PDE6A: variants seen among roughly 807,000 people sequenced by gnomAD.
PDE6A encodes the protein phosphodiesterase 6A.
Under a neutral mutation model 106.3 loss-of-function variants are expected in PDE6A, and 84 were observed. That is an observed-to-expected ratio of 0.79 (90% CI 0.66 to 0.95). PDE6A has a LOEUF of 0.95. PDE6A is among the 40% of genes least tolerant of loss of function. The pLI, the probability that PDE6A is intolerant of heterozygous loss-of-function variation, is 0.00. For missense variants in PDE6A, 1,052 were observed against 1,084.9 expected (o/e 0.97, Z 0.43); for synonymous variants, 394 against 386.6 (o/e 1.02, Z -0.23).
chr5:149,863,295 C>T lies in PDE6A; in HGVS notation c.2359-29G>A. On this transcript the variant is annotated intron_variant, in intron 20 of 21. Transcript: ENST00000255266. This position sits in a 1 kb window ranked among gnomAD's most constrained non-coding sequence, Gnocchi z 4.7. ...GAAGAGAGAGTATGTGCCTCTGGTG[C>T]AAGGGCCAGGCCACAGGGTCTGGGC... The T allele has an allele frequency of 6.2e-7, 1 of 1,613,408 alleles. No homozygotes were observed. Among genetic ancestry groups the T allele is most frequent in the Non-Finnish European group, 8.5e-7 (1 of 1,179,480 alleles).
At chr5:149,906,994 G>A (rs1753215328) in intron 7 of PDE6A, among the ~76,000 whole-genome samples, 2 of 152,208 alleles carry the variant, frequency 1.3e-5, no homozygotes, top group East Asian at 3.9e-4. Context: ...CTGGTCTCCA[G>A]CTCCTGACCT....
chr5:149,895,748 AGT>A (rs144826238), intron 12 of PDE6A, among the ~76,000 whole-genome samples: 12 of 150,416 alleles, frequency 8.0e-5, no homozygotes, highest in East Asian at 1.9e-4. Flanking sequence ...CAGAGCTGGG[AGT>A]GTGTGTGTGT....
At position 149,944,636 on chromosome 5, in the gene PDE6A, A is replaced by G; in HGVS notation, c.38T>C (p.Leu13Pro). The G allele has an allele frequency of 1.1e-5, 18 of 1,613,190 alleles. No individual in the cohort carries two copies. The highest frequency in any genetic ancestry group is 1.5e-5 in the Non-Finnish European group (18 of 1,179,680). Residue 13 changes from leucine to proline, a missense_variant, in exon 1 of 22, where the codon CTG becomes CCG. By Grantham distance (98) the Leu-to-Pro change is moderately conservative (BLOSUM62 -3). This residue lies in a region of PDE6A where 913 missense variants were observed against 915.2 expected (regional missense o/e 1.00). Coordinates refer to ENST00000255266, the MANE Select transcript of PDE6A (RefSeq NM_000440.3). ...TTTGGCAAAGCCAATATTCGAGTCC[A>G]GGAACTTCTCCACCTCCTCTGCTGT... Reference protein sequence around the residue: ...EVTAEEVEKFLDSNIGFAKQY... With the variant: ...EVTAEEVEKFPDSNIGFAKQY...
At chr5:149,944,071 A>G in intron 1 of PDE6A, 129 bp downstream of exon 1, 1 of 710,216 alleles carries the variant, frequency 1.4e-6, no homozygotes, top group Non-Finnish European at 2.5e-6. Context: ...TAAATATGTA[A>G]ATAAATAAAG....
intron 12 of PDE6A, among the ~76,000 whole-genome samples, 177 bp from the exon 13 acceptor site, chr5:149,895,467 G>A (rs1295611820): frequency 1.3e-5 from 2 of 152,000 alleles, no homozygotes; most frequent in African/African-American, 2.4e-5. Flanking sequence ...ATCATGCTGC[G>A]AAAGTGCTTT....
In PDE6A at chr5:149,915,281, T is replaced by C. The variant is rs1337313390; in HGVS notation, c.934-274A>G. Among the ~76,000 whole-genome samples the C allele has an allele frequency of 2.6e-5, 4 of 152,120 alleles. No individual in the cohort carries two copies. The East Asian group carries it at 7.7e-4, about 29-fold the overall frequency. ...ACCTCAGCCTCCCGAAGTGCTGGGA[T>C]TACAGGCGTGAGCCACTGCACCCAG... On this transcript the variant is annotated intron_variant, in intron 5 of 21. Transcript: ENST00000255266.
intron 13 of PDE6A, among the ~76,000 whole-genome samples, chr5:149,888,432 T>C (rs925585061): frequency 4.0e-5 from 6 of 148,952 alleles, no homozygotes; most frequent in African/African-American, 1.5e-4. Flanking sequence ...TATTAACATA[T>C]ATTAATATAT....
chr5:149,931,949 T>A (rs951405136), intron 3 of PDE6A: 2 of 1,099,152 alleles, frequency 1.8e-6, no homozygotes, highest in Admixed American at 3.8e-5. Flanking sequence ...AACAAAGAAG[T>A]TTGCAAATCT....
Position 149,860,930 on chromosome 5 carries a change from C to G in PDE6A, c.2548G>C (p.Gly850Arg), listed in dbSNP as rs377414931. The change falls in exon 22 of 22, where the codon GGT becomes CGT. Residue 850 changes from glycine (G) to arginine (R), a missense_variant. Coordinates refer to ENST00000255266, the MANE Select transcript of PDE6A (RefSeq NM_000440.3). ...CAGCAGGACTTGGATGTAGTTGCAC[C>G]CCCTGGGCTGGGGTTTCCCCCCGGC... ...NQPGGNPSPG[G>R]ATTSKSCCIQ is the part of the protein sequence containing the mutation. The G allele has an allele frequency of 1.9e-6, 3 of 1,613,994 alleles. No individual in the cohort carries two copies. The highest frequency in any genetic ancestry group is 2.2e-5 in the East Asian group (1 of 44,886).
rs566599842 is a variant in PDE6A at position 149,865,984 on chromosome 5, G to A, written c.2358+186C>T. 2.0e-5 allele frequency among the ~76,000 whole-genome samples: 3 copies of A among 152,302 alleles called. No homozygotes were observed. The East Asian group carries it at 5.8e-4, about 29-fold the overall frequency. On this transcript the variant is annotated intron_variant, in intron 20 of 21. Coordinates refer to ENST00000255266, the MANE Select transcript of PDE6A (RefSeq NM_000440.3). ...CAACTAGGATGTACCGTACGCTGGA[G>A]CCTGGAGCTGCAATCACATGAGACC...
In PDE6A at chr5:149,900,645, T is replaced by A. The variant is rs76862624; in HGVS notation, c.1114-1121A>T. On this transcript the variant is annotated intron_variant, in intron 8 of 21. Coordinates refer to ENST00000255266, the MANE Select transcript of PDE6A (RefSeq NM_000440.3). ...TCCTGAAGTTTCAAGATTCTTAACA[T>A]GGTGAGATGATAATTGTTATTATTT... is the stretch of plus-strand genomic sequence containing the variant. Among the ~76,000 whole-genome samples the A allele has an allele frequency of 9.4e-3, 1,427 of 151,834 alleles. 21 individuals are homozygous for A. The highest frequency in any genetic ancestry group is 0.033 in the African/African-American group (1,381 of 41,396).
intron 4 of PDE6A, among the ~76,000 whole-genome samples, chr5:149,924,183 C>G (rs1753811512): frequency 6.6e-6 from 1 of 152,088 alleles, no homozygotes; most frequent in African/African-American, 2.4e-5. Flanking sequence ...CTTATTGTCT[C>G]ATGAAGAAGA....
rs557470596 is a variant in PDE6A, at chr5:149,910,527, A to G, written c.999-3149T>C. On this transcript the variant is annotated intron_variant, in intron 6 of 21. Coordinates refer to ENST00000255266, the MANE Select transcript of PDE6A (RefSeq NM_000440.3). The stretch of plus-strand genomic sequence containing the variant: ...ATCATATCTCACACTTTTTTCTGTC[A>G]TTTTGTGCCAGTTAAGATAATTTTT... Among the ~76,000 whole-genome samples, 18 of 152,150 alleles carry G rather than the reference A, an allele frequency of 1.2e-4. No homozygotes were observed. The South Asian group carries it at 3.1e-3, about 26-fold the overall frequency.
intron 17 of PDE6A, among the ~76,000 whole-genome samples, chr5:149,874,478 G>T (rs1253173536): frequency 6.7e-6 from 1 of 150,270 alleles, no homozygotes; most frequent in Non-Finnish European, 1.5e-5. Flanking sequence ...ATGGGAGGGG[G>T]AATGCGTGCC....
chr5:149,861,205 G>A (rs1437066505), intron 21 of PDE6A, among the ~76,000 whole-genome samples: 2 of 152,236 alleles, frequency 1.3e-5, no homozygotes, highest in Non-Finnish European at 2.9e-5. Flanking sequence ...CGGCACCAAT[G>A]TCTGGGAGAC....
At chr5:149,900,281 G>A (rs1364378898) in intron 8 of PDE6A, among the ~76,000 whole-genome samples, 2 of 150,786 alleles carry the variant, frequency 1.3e-5, no homozygotes, top group Non-Finnish European at 2.9e-5. Flanking sequence ...AGAATCGCTT[G>A]AACCCAGGAG....
At position 149,934,015 on chromosome 5, in the gene PDE6A, A is replaced by G. The variant is rs1385283638; in HGVS notation, c.632T>C (p.Leu211Pro). ...SHFTKRDEEI[L>P]LKYLNFANLI... is the part of the protein sequence containing the mutation. ...ATTTGCAAAATTGAGGTACTTGAGAAGAATCTAAAAATCAAACAGCATGAG... is the reference window on the plus strand; with the variant it reads ...ATTTGCAAAATTGAGGTACTTGAGAGGAATCTAAAAATCAAACAGCATGAG... Residue 211 changes from leucine (L) to proline (P), a missense_variant, in exon 3 of 22, where the codon CTT (leucine) becomes CCT (proline). Leu to Pro is a moderately conservative substitution (Grantham distance 98). Around this residue, in one of 3 missense-constraint regions of PDE6A, gnomAD observed 913 missense variants for 915.2 expected, o/e 1.00. Coordinates refer to ENST00000255266, the MANE Select transcript of PDE6A (RefSeq NM_000440.3). 3 of 1,601,246 alleles carry G rather than the reference A, an allele frequency of 1.9e-6. No individual in the cohort carries two copies. Among genetic ancestry groups the G allele is most frequent in the Non-Finnish European group, 2.6e-6 (3 of 1,168,562 alleles).
At chr5:149,882,555 G>A (rs1002389292) in intron 17 of PDE6A, among the ~76,000 whole-genome samples, 1 of 152,098 alleles carries the variant, frequency 6.6e-6, no homozygotes, top group East Asian at 1.9e-4. Context: ...AATCATGGAA[G>A]CACACTGAGA....
intron 7 of PDE6A, 105 bp from the exon 8 acceptor site, chr5:149,903,800 A>C: frequency 1.1e-6 from 1 of 871,760 alleles, no homozygotes; most frequent in South Asian, 1.3e-5. Flanking sequence ...TGTCCAAGGC[A>C]TTCACATTCT....
Sources: gnomAD v4.1 joint callset for allele counts (sites outside exome capture counted in the v4.1 genomes callset) on GRCh38, gnomAD v4.1.1 for gene constraint, gnomAD v4.1.1 regional missense constraint, Gnocchi (gnomAD v3.1) non-coding constraint, MANE v1.5 for transcripts, NCBI Gene and HGNC (gene_info 2026-07-23, HGNC 2026-07-21) for gene names.